The following STPG2 variants were observed in gnomAD, a reference collection of about 807,000 sequenced individuals.
STPG2 encodes the protein sperm-tail PG-rich repeat-containing protein 2.
A neutral mutation model predicts 54.2 loss-of-function variants in STPG2; 56 were observed. That is an observed-to-expected ratio of 1.03 (90% CI 0.83 to 1.29). The LOEUF is 1.29. Ranked by LOEUF, STPG2 falls within the 50% of genes most tolerant of loss-of-function variation. STPG2 has a pLI of 0.00. For missense variants in STPG2, 596 were observed against 544.9 expected (o/e 1.09, Z -0.93); for synonymous variants, 200 against 181.8 (o/e 1.10, Z -0.81).
chr4:97,703,663 TATATAAAATATATATA>T (rs1723852932), intron 10 of STPG2, among the ~76,000 whole-genome samples: 2 of 115,166 alleles, frequency 1.7e-5, no homozygotes, highest in African/African-American at 6.2e-5. Flanking sequence ...AAATAAAACA[TATATAAAATATATATA>T]GTATATATAT....
At chr4:97,562,374 A>T (rs972217704) in intron 10 of STPG2, among the ~76,000 whole-genome samples, 21 of 152,226 alleles carry the variant, frequency 1.4e-4, no homozygotes, top group Non-Finnish European at 2.6e-4. Context: ...ATATACAATC[A>T]TGTCATCTGC....
At chr4:98,047,634 C>T (rs1402047984) in intron 5 of STPG2, among the ~76,000 whole-genome samples, 2 of 152,034 alleles carry the variant, frequency 1.3e-5, no homozygotes, top group African/African-American at 2.4e-5. Flanking sequence ...GAAGCCAATC[C>T]CTCATGTAGG....
intron 5 of STPG2, among the ~76,000 whole-genome samples, chr4:98,039,614 A>C (rs1338317653): frequency 6.6e-6 from 1 of 151,266 alleles, no homozygotes; most frequent in African/African-American, 2.4e-5. Context: ...AAAGCCCAAT[A>C]TTTACCATTG....
chr4:98,079,462 C>G (rs562499410), intron 5 of STPG2, among the ~76,000 whole-genome samples: 1 of 152,182 alleles, frequency 6.6e-6, no homozygotes, highest in East Asian at 1.9e-4. Flanking sequence ...CCACTTTTGA[C>G]TGACTGATAA....
chr4:97,719,470 CA>C (rs1343100326), intron 9 of STPG2, among the ~76,000 whole-genome samples: 4 of 151,894 alleles, frequency 2.6e-5, no homozygotes, highest in Admixed American at 6.6e-5. Flanking sequence ...AAAGTGGGAC[CA>C]AGAAAACAAT....
intron 10 of STPG2, among the ~76,000 whole-genome samples, chr4:97,640,999 T>C (rs1380366910): frequency 6.6e-6 from 1 of 151,556 alleles, no homozygotes; most frequent in Non-Finnish European, 1.5e-5. Context: ...TTATAATGAA[T>C]ATATAATGTC....
At chr4:97,964,846 T>G (rs1258584054) in intron 7 of STPG2, among the ~76,000 whole-genome samples, 2 of 152,200 alleles carry the variant, frequency 1.3e-5, no homozygotes, top group African/African-American at 4.8e-5. Context: ...CTATTGGTCT[T>G]GACAGAATCC....
At chr4:97,829,950 T>C (rs956557495) in intron 9 of STPG2, among the ~76,000 whole-genome samples, 5 of 152,160 alleles carry the variant, frequency 3.3e-5, no homozygotes, top group Non-Finnish European at 7.3e-5. Flanking sequence ...AAAACACTCT[T>C]CAGGATATTA....
intron 9 of STPG2, among the ~76,000 whole-genome samples, chr4:97,809,170 A>G (rs1445553664): frequency 6.6e-6 from 1 of 152,206 alleles, no homozygotes; most frequent in East Asian, 1.9e-4. Context: ...AAATAATGAA[A>G]ATGCTCTAAC....
At chr4:97,986,104 C>G (rs1734823165) in intron 5 of STPG2, among the ~76,000 whole-genome samples, 1 of 152,070 alleles carries the variant, frequency 6.6e-6, no homozygotes, top group Non-Finnish European at 1.5e-5. Flanking sequence ...ATCATCTAGC[C>G]CATTAAAAAT....
chr4:98,108,572 G>T (rs1433482955), intron 4 of STPG2, among the ~76,000 whole-genome samples: 1 of 152,114 alleles, frequency 6.6e-6, no homozygotes, highest in Non-Finnish European at 1.5e-5. Context: ...ATAAAATGGA[G>T]AATTCTGGGT....
intron 7 of STPG2, among the ~76,000 whole-genome samples, chr4:97,971,142 G>C (rs1734310444): frequency 6.6e-6 from 1 of 152,170 alleles, no homozygotes; most frequent in African/African-American, 2.4e-5. Context: ...TCATTAAAAA[G>C]TCAGAAAACA....
At chr4:97,935,417 T>C (rs1732712973) in intron 8 of STPG2, among the ~76,000 whole-genome samples, 1 of 152,200 alleles carries the variant, frequency 6.6e-6, no homozygotes, top group South Asian at 2.1e-4. Flanking sequence ...TCTTGTCTTC[T>C]GCTAGCTTTT....
chr4:97,919,681 C>T (rs553391218), intron 8 of STPG2, among the ~76,000 whole-genome samples: 56 of 151,808 alleles, frequency 3.7e-4, no homozygotes, highest in Non-Finnish European at 6.8e-4. Context: ...AACCTTCTCA[C>T]GGAGAAAAAT....
At chr4:97,755,670 TG>T (rs1725704793) in intron 9 of STPG2, among the ~76,000 whole-genome samples, 1 of 152,202 alleles carries the variant, frequency 6.6e-6, no homozygotes, top group African/African-American at 2.4e-5. Flanking sequence ...CTTAAAGAAA[TG>T]AGCTAAACCT....
intron 10 of STPG2, among the ~76,000 whole-genome samples, chr4:97,575,312 C>T (rs1732697081): frequency 6.6e-6 from 1 of 151,974 alleles, no homozygotes; most frequent in Admixed American, 6.6e-5. Context: ...CATTCTGATC[C>T]CAAAACCTGG....
At position 98,007,028 on chromosome 4, in the gene STPG2, G is replaced by A. The variant is rs148978316; in HGVS notation, c.613-25710C>T. Among the ~76,000 whole-genome samples, 646 of 152,246 alleles carry A rather than the reference G, an allele frequency of 4.2e-3. 3 individuals are homozygous for A. Among genetic ancestry groups the A allele is most frequent in the South Asian group, 0.024 (118 of 4,826 alleles). Reference sequence around the variant, plus strand: ...TCCCTCAGCTGCCACTGGGGAACTCGAGTATGGATTTGCCTGGTCCAGCTC... The same window carrying A: ...TCCCTCAGCTGCCACTGGGGAACTCAAGTATGGATTTGCCTGGTCCAGCTC... On this transcript the variant is annotated intron_variant, in intron 5 of 10. Transcript: ENST00000295268.
At chr4:98,091,040 A>T (rs187170949) in intron 5 of STPG2, among the ~76,000 whole-genome samples, 39 of 151,928 alleles carry the variant, frequency 2.6e-4, no homozygotes, top group Admixed American at 2.2e-3. Flanking sequence ...TCTCCATATC[A>T]TCATTTACCT....
intron 7 of STPG2, among the ~76,000 whole-genome samples, chr4:97,960,153 T>C (rs1169630393): frequency 6.6e-6 from 1 of 152,124 alleles, no homozygotes; most frequent in Admixed American, 6.6e-5. Flanking sequence ...AGCATCACTT[T>C]ATGATTAAAA....
Sources: allele counts gnomAD v4.1 joint callset (sites outside exome capture counted in the v4.1 genomes callset), GRCh38; gene constraint gnomAD v4.1.1; transcripts MANE v1.5; gene names NCBI Gene and HGNC (gene_info 2026-07-23, HGNC 2026-07-21).